XKR4: variants seen among roughly 807,000 people sequenced by gnomAD.
XKR4 encodes the protein XK-related protein 4.
Under a neutral mutation model 53.9 loss-of-function variants are expected in XKR4, and 12 were observed. The observed-to-expected ratio is 0.22, with a 90% CI of 0.14 to 0.36. XKR4 has a LOEUF of 0.36. Among genes scored for constraint, XKR4 ranks in the 10% least tolerant of loss-of-function variants. The pLI, the probability that XKR4 is intolerant of heterozygous loss-of-function variation, is 1.00. For missense variants in XKR4, 799 were observed against 859.5 expected, an observed-to-expected ratio of 0.93 and a Z score of 0.88; for synonymous variants, 354 against 362.4, an observed-to-expected ratio of 0.98 and a Z score of 0.26.
intron 2 of XKR4, among the ~76,000 whole-genome samples, chr8:55,434,949 A>G (rs1805153421): frequency 1.3e-5 from 2 of 152,096 alleles, no homozygotes; most frequent in African/African-American, 4.8e-5. Flanking sequence ...TCCTTACTCC[A>G]CAAAAATCAG....
At chr8:55,255,978 T>C (rs1057441027) in intron 1 of XKR4, among the ~76,000 whole-genome samples, 2 of 151,304 alleles carry the variant, frequency 1.3e-5, no homozygotes, top group Middle Eastern at 6.8e-3. Context: ...TGTGCAATGA[T>C]AGAGGTGTGT....
At chr8:55,173,409 A>G (rs1169860653) in intron 1 of XKR4, among the ~76,000 whole-genome samples, 3 of 152,082 alleles carry the variant, frequency 2.0e-5, no homozygotes, top group Non-Finnish European at 4.4e-5. Context: ...CAATACAAAA[A>G]TATATATAGT....
At chr8:55,417,874 G>A (rs903794833) in intron 2 of XKR4, among the ~76,000 whole-genome samples, 1 of 152,176 alleles carries the variant, frequency 6.6e-6, no homozygotes, top group African/African-American at 2.4e-5. Flanking sequence ...TGGAATTTGA[G>A]TGGTATTGGC....
intron 1 of XKR4, chr8:55,135,187 C>T (rs903883353): frequency 2.6e-5 from 4 of 154,190 alleles, no homozygotes; most frequent in African/African-American, 9.6e-5. Context: ...TGCCAAAAAT[C>T]ACAATTACAT....
chr8:55,430,456 C>T (rs900314367), intron 2 of XKR4, among the ~76,000 whole-genome samples: 37 of 152,170 alleles, frequency 2.4e-4, no homozygotes, highest in African/African-American at 7.0e-4. Context: ...ATATAACATT[C>T]TTGGAATGCT....
intron 1 of XKR4, among the ~76,000 whole-genome samples, chr8:55,247,014 G>C (rs1818294121): frequency 6.6e-6 from 1 of 152,216 alleles, no homozygotes; most frequent in African/African-American, 2.4e-5. Context: ...GCCAAGCCAG[G>C]AGGAAAAGGG....
At chr8:55,135,769 C>T (rs1214956483) in intron 1 of XKR4, 1 of 347,536 alleles carries the variant, frequency 2.9e-6, no homozygotes, top group Non-Finnish European at 6.2e-6. Flanking sequence ...CCGGTGCACT[C>T]ACACCCTTCC....
Position 55,103,230 on chromosome 8 carries a change from T to A in XKR4, c.742T>A (p.Cys248Ser). The A allele has an allele frequency of 6.2e-7, 1 of 1,613,988 alleles. No individual in the cohort carries two copies. Among genetic ancestry groups the A allele is most frequent in the Non-Finnish European group, 8.5e-7 (1 of 1,179,922 alleles). Reference sequence around the variant, plus strand: ...CAGTGGCAAGCACAGGTCTGCGTCCTGCTCCTTCTGCATCTGGCTCCTGCA... The same window carrying A: ...CAGTGGCAAGCACAGGTCTGCGTCCAGCTCCTTCTGCATCTGGCTCCTGCA... ...RASGKHRSAS[C>S]SFCIWLLQSL... The change falls in exon 1 of 3, where the codon TGC becomes AGC. Residue 248 changes from cysteine to serine, a missense_variant. Physicochemically the swap from Cys to Ser is moderately radical, Grantham distance 112. Around this residue, in one of 3 missense-constraint regions of XKR4, gnomAD observed 476 missense variants for 505.4 expected, o/e 0.94. Transcript: ENST00000327381.
chr8:55,258,515 C>G (rs2129370740), intron 1 of XKR4, among the ~76,000 whole-genome samples: 1 of 152,282 alleles, frequency 6.6e-6, no homozygotes, highest in Non-Finnish European at 1.5e-5. Context: ...TGCCTTCCTA[C>G]AGTTATGAGA....
intron 2 of XKR4, among the ~76,000 whole-genome samples, chr8:55,436,789 G>A (rs1228990573): frequency 6.6e-6 from 1 of 152,178 alleles, no homozygotes; most frequent in African/African-American, 2.4e-5. Flanking sequence ...CAAAGCCAAA[G>A]TGTTGGACTT....
At chr8:55,149,874 T>G (rs1290275268) in intron 1 of XKR4, among the ~76,000 whole-genome samples, 1 of 152,176 alleles carries the variant, frequency 6.6e-6, no homozygotes, top group Non-Finnish European at 1.5e-5. Context: ...GTGAGGGCCT[T>G]GGCTATTTAT....
intron 1 of XKR4, among the ~76,000 whole-genome samples, chr8:55,337,146 C>T (rs1448813489): frequency 6.6e-6 from 1 of 152,142 alleles, no homozygotes; most frequent in African/African-American, 2.4e-5. Context: ...CAGTGGGAAA[C>T]AGCAGATGGG....
chr8:55,408,841 T>C (rs1035580079), intron 2 of XKR4, among the ~76,000 whole-genome samples: 14 of 151,978 alleles, frequency 9.2e-5, no homozygotes, highest in African/African-American at 3.4e-4. Context: ...ACCCTGTCCC[T>C]ACCAAATATA....
At chr8:55,364,369 C>T (rs181393679) in intron 2 of XKR4, among the ~76,000 whole-genome samples, 4 of 152,300 alleles carry the variant, frequency 2.6e-5, no homozygotes, top group Non-Finnish European at 5.9e-5. Flanking sequence ...CTCATCATCG[C>T]GAGACTCCTA....
intron 1 of XKR4, among the ~76,000 whole-genome samples, chr8:55,305,245 T>A (rs1819278377): frequency 6.6e-6 from 1 of 152,220 alleles, no homozygotes; most frequent in Non-Finnish European, 1.5e-5. Context: ...ATGTGGCTAC[T>A]ATATTGGGCA....
intron 1 of XKR4, among the ~76,000 whole-genome samples, chr8:55,313,808 A>C (rs1426358445): frequency 6.6e-6 from 1 of 152,172 alleles, no homozygotes; most frequent in Non-Finnish European, 1.5e-5. Context: ...CTCGTTTGAA[A>C]GCAGCATTCC....
intron 2 of XKR4, among the ~76,000 whole-genome samples, chr8:55,518,506 C>A (rs1405102194): frequency 1.3e-5 from 2 of 152,138 alleles, no homozygotes; most frequent in Non-Finnish European, 2.9e-5. Flanking sequence ...GTGAGAAATA[C>A]ACTAATTAAA....
At chr8:55,138,989 CGTCT>C (rs1473439314) in intron 1 of XKR4, among the ~76,000 whole-genome samples, 1 of 152,166 alleles carries the variant, frequency 6.6e-6, no homozygotes, top group Non-Finnish European at 1.5e-5. Flanking sequence ...TGACGTGGCT[CGTCT>C]GTCTGAGATC....
rs1435442523 is a variant in XKR4, at chr8:55,302,371, C to A, written c.807-55307C>A. On this transcript the variant is annotated intron_variant, in intron 1 of 2. Transcript: ENST00000327381. ...TTGATCTATATCTCTGTTTTGGTACCAGTACCATGCTGTTTTGGTTACTGT... is the reference window on the plus strand; with the variant it reads ...TTGATCTATATCTCTGTTTTGGTACAAGTACCATGCTGTTTTGGTTACTGT... 5.3e-5 allele frequency among the ~76,000 whole-genome samples: 8 copies of A among 150,948 alleles called. No individual in the cohort carries two copies. In the East Asian group the frequency reaches 7.7e-4, roughly 15 times the overall value.
Sources: allele counts gnomAD v4.1 joint callset (sites outside exome capture counted in the v4.1 genomes callset), GRCh38; gene constraint gnomAD v4.1.1; regional missense constraint gnomAD v4.1.1; transcripts MANE v1.5; gene names NCBI Gene and HGNC (gene_info 2026-07-23, HGNC 2026-07-21).